Variants in CLVS1 observed in about 807,000 individuals in gnomAD.
CLVS1 encodes clavesin 1.
A neutral mutation model predicts 33.1 loss-of-function variants in CLVS1; 10 were observed. The ratio of observed to expected loss-of-function variants is 0.30; its 90% CI spans 0.19 to 0.51. CLVS1 has a LOEUF of 0.51. CLVS1 is among the 20% of genes least tolerant of loss of function. The pLI, the probability that CLVS1 is intolerant of heterozygous loss-of-function variation, is 0.97. For missense variants in CLVS1, 343 were observed against 433.4 expected (o/e 0.79, Z 1.85); for synonymous variants, 163 against 166.1 (o/e 0.98, Z 0.14).
intron 2 of CLVS1, among the ~76,000 whole-genome samples, chr8:61,213,552 C>T (rs1456890603): frequency 6.6e-6 from 1 of 151,658 alleles, no homozygotes; most frequent in Admixed American, 6.6e-5. Context: ...ATTTCTTATG[C>T]CTGTCTTTAC....
At chr8:61,341,925 G>A (rs888593526) in intron 2 of CLVS1, among the ~76,000 whole-genome samples, 2 of 152,208 alleles carry the variant, frequency 1.3e-5, no homozygotes, top group Admixed American at 1.3e-4. Context: ...TTTTAGTGCT[G>A]TGCATTTTAA....
At chr8:61,260,641 G>A (rs1016021748) in intron 2 of CLVS1, among the ~76,000 whole-genome samples, 17 of 152,156 alleles carry the variant, frequency 1.1e-4, no homozygotes, top group African/African-American at 4.1e-4. Flanking sequence ...GGGACTTCAG[G>A]TCTTGCTTAT....
chr8:61,387,923 G>A (rs904096813), intron 3 of CLVS1, among the ~76,000 whole-genome samples: 5 of 152,148 alleles, frequency 3.3e-5, no homozygotes, highest in Non-Finnish European at 7.4e-5. Flanking sequence ...TGCAAATTGT[G>A]CTGCTATAAA....
intron 2 of CLVS1, among the ~76,000 whole-genome samples, chr8:61,205,978 G>A (rs1207013741): frequency 6.6e-6 from 1 of 152,124 alleles, no homozygotes; most frequent in Non-Finnish European, 1.5e-5. Context: ...GCTCAAAAGA[G>A]TGTAGAATAT....
intron 5 of CLVS1, among the ~76,000 whole-genome samples, chr8:61,462,755 C>T (rs929701683): frequency 6.6e-6 from 1 of 151,910 alleles, no homozygotes; most frequent in Non-Finnish European, 1.5e-5. Context: ...GTCATTCAAG[C>T]TTCATTGTTC....
the CLVS1 span, among the ~76,000 whole-genome samples, chr8:61,018,804 C>T: frequency 1.3e-5 from 2 of 152,180 alleles, no homozygotes; most frequent in African/African-American, 2.4e-5. Context: ...CTACATTTAC[C>T]TCCATTCATG....
At chr8:61,189,328 G>C in intron 2 of CLVS1, among the ~76,000 whole-genome samples, 1 of 152,152 alleles carries the variant, frequency 6.6e-6, no homozygotes, top group Non-Finnish European at 1.5e-5. Context: ...AATGCTGAGA[G>C]ATTTTGTCAC....
In CLVS1 at chr8:61,110,663, C is replaced by T. The variant is rs1477817922; in HGVS notation, c.-242-21107C>T. The stretch of plus-strand genomic sequence containing the variant: ...TGTAGAACTTTTTCACCTTGCAAAA[C>T]TGACACTCTGTACCCACTAAACTAC... On this transcript the variant is annotated intron_variant, in intron 1 of 2. Coordinates refer to the CLVS1 transcript ENST00000522621. 3.3e-5 allele frequency among the ~76,000 whole-genome samples: 5 copies of T among 151,918 alleles called. No individual in the cohort carries two copies. The East Asian group carries it at 7.7e-4, about 23-fold the overall frequency.
intron 2 of CLVS1, among the ~76,000 whole-genome samples, chr8:61,136,790 C>T (rs952782773): frequency 1.3e-5 from 2 of 152,188 alleles, no homozygotes; most frequent in East Asian, 1.9e-4. Flanking sequence ...CCCCATGACA[C>T]AAGCTTACCT....
At chr8:61,339,189 C>T (rs1811921623) in intron 2 of CLVS1, among the ~76,000 whole-genome samples, 1 of 152,094 alleles carries the variant, frequency 6.6e-6, no homozygotes, top group Non-Finnish European at 1.5e-5. Flanking sequence ...GCCCTTCCCT[C>T]ATCCTCTGTA....
chr8:61,214,014 A>G (rs1052514054), intron 2 of CLVS1, among the ~76,000 whole-genome samples: 1 of 152,122 alleles, frequency 6.6e-6, no homozygotes, highest in Non-Finnish European at 1.5e-5. Flanking sequence ...TATGGTTGAG[A>G]CTGCAGGGGT....
At chr8:61,114,152 ATAT>A (rs1263875972) in intron 1 of CLVS1, among the ~76,000 whole-genome samples, 1 of 152,240 alleles carries the variant, frequency 6.6e-6, no homozygotes, top group Non-Finnish European at 1.5e-5. Flanking sequence ...ATGTTGTGAA[ATAT>A]TATTCTTCTT....
At chr8:61,225,402 C>T (rs1310286617) in intron 2 of CLVS1, among the ~76,000 whole-genome samples, 2 of 152,140 alleles carry the variant, frequency 1.3e-5, no homozygotes, top group Non-Finnish European at 2.9e-5. Context: ...TTATGGTCAA[C>T]CACCTTTTAT....
At chr8:61,401,472 C>T (rs906689620) in intron 3 of CLVS1, among the ~76,000 whole-genome samples, 1 of 151,866 alleles carries the variant, frequency 6.6e-6, no homozygotes, top group Non-Finnish European at 1.5e-5. Context: ...AGTTAATCAC[C>T]ACCACCTTAT....
At chr8:61,190,005 G>T (rs538436709) in intron 2 of CLVS1, among the ~76,000 whole-genome samples, 1 of 152,260 alleles carries the variant, frequency 6.6e-6, no homozygotes, top group East Asian at 1.9e-4. Context: ...ATTGAACTCA[G>T]CTCTGCACCA....
At chr8:61,449,344 T>C (rs61636477) in intron 3 of CLVS1, among the ~76,000 whole-genome samples, 12,808 of 152,222 alleles carry the variant, frequency 0.084, 1,532 homozygotes, top group African/African-American at 0.27. Context: ...GGGGAGGAAG[T>C]CCAGTTTACC....
chr8:61,124,545 TTGAC>T (rs1805937131), intron 1 of CLVS1, among the ~76,000 whole-genome samples: 1 of 152,264 alleles, frequency 6.6e-6, no homozygotes, highest in Non-Finnish European at 1.5e-5. Flanking sequence ...ATCTATTTTC[TTGAC>T]TATTTACTAA....
rs79185602 is a variant in CLVS1 at position 61,101,947 on chromosome 8, T to C, written c.-242-29823T>C. Among the ~76,000 whole-genome samples, 564 of 152,268 alleles carry C rather than the reference T, an allele frequency of 3.7e-3. 5 individuals carry two copies. The highest frequency in any genetic ancestry group is 0.013 in the African/African-American group (524 of 41,566). ...GCTTATTTCAAGACTCTCGATATAT[T>C]TCGTTGATCAATATGTACCACAGTA... On this transcript the variant is annotated intron_variant, in intron 1 of 2. Transcript: ENST00000522621.
At chr8:61,161,993 C>CAAA (rs34857935) in intron 2 of CLVS1, among the ~76,000 whole-genome samples, 2,363 of 70,044 alleles carry the variant, frequency 0.034, 28 homozygotes, top group Non-Finnish European at 0.058. Flanking sequence ...TACTTTTTGA[C>CAAA]AAAAAAAAAA....
Sources: allele counts gnomAD v4.1 joint callset (sites outside exome capture counted in the v4.1 genomes callset), GRCh38; gene constraint gnomAD v4.1.1; transcripts MANE v1.5; gene names NCBI Gene and HGNC (gene_info 2026-07-23, HGNC 2026-07-21).